The following SFMBT2 variants were observed in gnomAD, a reference collection of about 807,000 sequenced individuals.
SFMBT2 encodes scm-like with four MBT domains protein 2.
In SFMBT2, 38 loss-of-function variants were observed where a neutral mutation model predicts 110.1. The observed-to-expected ratio is 0.35, with a 90% CI of 0.27 to 0.45. SFMBT2 has a LOEUF of 0.45. SFMBT2 is among the 20% of genes least tolerant of loss of function. SFMBT2 has a pLI of 1.00. For synonymous variants in SFMBT2, 425 were observed against 425.4 expected (o/e 1.00, Z 0.01); for missense variants, 1,011 against 1,094.9 (o/e 0.92, Z 1.08).
intron 1 of SFMBT2, among the ~76,000 whole-genome samples, chr10:7,400,281 G>A (rs992767069): frequency 2.0e-5 from 3 of 152,190 alleles, no homozygotes; most frequent in East Asian, 1.9e-4. Context: ...TCTGGGAAGC[G>A]CACAGCACAG....
At chr10:7,393,170 A>G (rs924132043) in intron 1 of SFMBT2, among the ~76,000 whole-genome samples, 1 of 151,354 alleles carries the variant, frequency 6.6e-6, no homozygotes, top group African/African-American at 2.4e-5. Context: ...AGCTGGGATT[A>G]CACGTGCATG....
At chr10:7,359,884 T>C (rs747690363) in intron 4 of SFMBT2, among the ~76,000 whole-genome samples, 7 of 152,188 alleles carry the variant, frequency 4.6e-5, no homozygotes, top group Non-Finnish European at 7.3e-5. Flanking sequence ...AATAAACAAA[T>C]ATTTACAGAC....
In SFMBT2 at chr10:7,242,423, G is replaced by A. The variant is rs74820630; in HGVS notation, c.1120+1135C>T. 7.1e-3 allele frequency among the ~76,000 whole-genome samples: 1,086 copies of A among 152,222 alleles called. 11 individuals are homozygous for A. Among genetic ancestry groups the A allele is most frequent in the South Asian group, 0.015 (71 of 4,822 alleles). ...AGACCTACGATCCAAATGACCCTGC[G>A]CAAGTTATATAAACTCTCTGTGACT... On this transcript the variant is annotated intron_variant, in intron 9 of 20. Coordinates refer to ENST00000397167, the MANE Select transcript of SFMBT2 (RefSeq NM_001387889.1).
At chr10:7,238,361 G>A (rs1204008163) in intron 9 of SFMBT2, among the ~76,000 whole-genome samples, 4 of 152,100 alleles carry the variant, frequency 2.6e-5, no homozygotes, top group East Asian at 1.9e-4. Flanking sequence ...TAATGCTTTC[G>A]TGTTTCATAT....
intron 4 of SFMBT2, among the ~76,000 whole-genome samples, chr10:7,364,094 G>A (rs762215132): frequency 1.4e-4 from 21 of 152,044 alleles, no homozygotes; most frequent in African/African-American, 3.9e-4. Flanking sequence ...AACAACTGCC[G>A]CCTCTGGCTA....
At chr10:7,339,243 G>A (rs572515315) in intron 4 of SFMBT2, among the ~76,000 whole-genome samples, 19 of 152,000 alleles carry the variant, frequency 1.3e-4, no homozygotes, top group African/African-American at 4.3e-4. Context: ...CCATCTCGAT[G>A]AATAAATAAA....
Position 7,384,238 on chromosome 10 carries a change from A to AC in SFMBT2, c.-51-2290dup, listed in dbSNP as rs1845519314. On this transcript the variant is annotated intron_variant, in intron 1 of 20. Coordinates refer to ENST00000397167, the MANE Select transcript of SFMBT2 (RefSeq NM_001387889.1). ...AAAAAAAAAAAAAAAAAAAAAAAAA[A>AC]CAACCACAGAAAGGACAAATAAGTA... Among the ~76,000 whole-genome samples, 6 of 145,412 alleles carry AC rather than the reference A, an allele frequency of 4.1e-5. No individual in the cohort carries two copies. The East Asian group carries it at 7.8e-4, about 19-fold the overall frequency.
chr10:7,342,617 T>A (rs549904480), intron 4 of SFMBT2, among the ~76,000 whole-genome samples: 1 of 152,034 alleles, frequency 6.6e-6, no homozygotes, highest in South Asian at 2.1e-4. Context: ...CACCATGGTC[T>A]CGATCTCCTG....
chr10:7,213,690 T>C (rs1588345397), intron 11 of SFMBT2, among the ~76,000 whole-genome samples: 1 of 150,448 alleles, frequency 6.6e-6, no homozygotes, highest in East Asian at 1.9e-4. Context: ...TGTGAGGCCA[T>C]GGGTGTGGGC....
intron 1 of SFMBT2, among the ~76,000 whole-genome samples, chr10:7,384,234 A>AC (rs1331826530): frequency 1.3e-5 from 2 of 150,208 alleles, no homozygotes; most frequent in African/African-American, 4.9e-5. Flanking sequence ...AAAAAAAAAA[A>AC]AAAACAACCA....
intron 16 of SFMBT2, among the ~76,000 whole-genome samples, chr10:7,177,868 AAAG>A (rs1554781753): frequency 4.0e-5 from 6 of 151,242 alleles, no homozygotes; most frequent in South Asian, 4.2e-4. Flanking sequence ...TTAAAAAAAA[AAAG>A]AAGAAGAAGA....
At position 7,179,976 on chromosome 10, in the gene SFMBT2, A is replaced by C. The variant is rs2762617; in HGVS notation, c.1809-3811T>G. Among the ~76,000 whole-genome samples the C allele has an allele frequency of 7.2e-5, 11 of 152,186 alleles. No homozygotes were observed. In the South Asian group the frequency reaches 2.1e-3, roughly 29 times the overall value. ...AACAATTCTGTTTAGAAGCCATGGC[A>C]GTGAGGGGTAGAGGGGACTGAGTAA... On this transcript the variant is annotated intron_variant, in intron 16 of 20. Coordinates refer to ENST00000397167, the MANE Select transcript of SFMBT2 (RefSeq NM_001387889.1).
Position 7,178,532 on chromosome 10 carries a change from T to C in SFMBT2, c.1809-2367A>G, listed in dbSNP as rs528604314. 3.9e-5 allele frequency among the ~76,000 whole-genome samples: 6 copies of C among 152,146 alleles called. 1 individual carries two copies. The South Asian group carries it at 1.2e-3, about 32-fold the overall frequency. ...GCTTTCCTTAAACGTAACTATTTAGTGAAGAATAAAAATTAAGCTCCTCGC... is the reference window on the plus strand; with the variant it reads ...GCTTTCCTTAAACGTAACTATTTAGCGAAGAATAAAAATTAAGCTCCTCGC... On this transcript the variant is annotated intron_variant, in intron 16 of 20. Coordinates refer to ENST00000397167, the MANE Select transcript of SFMBT2 (RefSeq NM_001387889.1).
At position 7,261,956 on chromosome 10, in the gene SFMBT2, A is replaced by G. The variant is rs908704357; in HGVS notation, c.871-13307T>C. The stretch of plus-strand genomic sequence containing the variant: ...CCCACACCTTTTATTGACACCCAGC[A>G]AAGTAGGCCAGCCTCCTCAGTGTGC... On this transcript the variant is annotated intron_variant, in intron 7 of 20. Transcript: ENST00000397167. Among the ~76,000 whole-genome samples, 13 of 152,350 alleles carry G rather than the reference A, an allele frequency of 8.5e-5. 1 individual carries two copies. The highest frequency in any genetic ancestry group is 7.2e-4 in the Admixed American group (11 of 15,306).
intron 2 of SFMBT2, among the ~76,000 whole-genome samples, chr10:7,373,278 C>T (rs1371398753): frequency 6.6e-6 from 1 of 152,214 alleles, no homozygotes; most frequent in Non-Finnish European, 1.5e-5. Flanking sequence ...CTTCCTCTTT[C>T]TGCCAAGAGC....
At chr10:7,164,019 G>C in intron 20 of SFMBT2, 109 bp from the exon 21 acceptor site, 2 of 1,433,806 alleles carry the variant, frequency 1.4e-6, no homozygotes, top group East Asian at 5.2e-5. Context: ...GGATGCTCTT[G>C]TTTCATTCAA....
intron 6 of SFMBT2, among the ~76,000 whole-genome samples, chr10:7,278,993 C>G (rs149078745): frequency 0.01 from 1,585 of 151,354 alleles, 33 homozygotes; most frequent in African/African-American, 0.036. Context: ...ACCAGCTACT[C>G]GGGAGGCTGA....
intron 4 of SFMBT2, among the ~76,000 whole-genome samples, chr10:7,311,070 AAAAACAAAAT>A (rs1842843801): frequency 6.7e-6 from 1 of 149,742 alleles, no homozygotes; most frequent in Non-Finnish European, 1.5e-5. Context: ...AAAACAAAAC[AAAAACAAAAT>A]AAAACAAAAC....
intron 4 of SFMBT2, among the ~76,000 whole-genome samples, chr10:7,340,212 G>A (rs1843847616): frequency 6.6e-6 from 1 of 152,126 alleles, no homozygotes; most frequent in African/African-American, 2.4e-5. Flanking sequence ...TCAAAAGGAA[G>A]CGAAAATATA....
Sources: gnomAD v4.1 joint callset for allele counts (sites outside exome capture counted in the v4.1 genomes callset) on GRCh38, gnomAD v4.1.1 for gene constraint, MANE v1.5 for transcripts, NCBI Gene and HGNC (gene_info 2026-07-23, HGNC 2026-07-21) for gene names.